The following SLC25A48 variants were observed in gnomAD, a reference collection of about 807,000 sequenced individuals.
SLC25A48 encodes the protein solute carrier family 25 member 48.
A neutral mutation model predicts 32.2 loss-of-function variants in SLC25A48; 29 were observed. The ratio of observed to expected loss-of-function variants is 0.90; its 90% CI spans 0.67 to 1.23. The LOEUF (loss-of-function observed/expected upper bound fraction) is 1.23. Among genes scored for constraint, SLC25A48 ranks in the 50% most tolerant of loss-of-function variants. The probability of loss-of-function intolerance (pLI) is 0.00; values close to 1 mark genes in which losing one functional copy is unlikely to be tolerated. For missense variants in SLC25A48, 399 were observed against 422.7 expected (o/e 0.94, Z 0.49); for synonymous variants, 164 against 172.3 (o/e 0.95, Z 0.38).
chr5:135,849,582 C>T (rs1222350762), intron 2 of SLC25A48, among the ~76,000 whole-genome samples: 1 of 152,092 alleles, frequency 6.6e-6, no homozygotes, highest in Non-Finnish European at 1.5e-5. Flanking sequence ...AGGGTTGTGC[C>T]CAGCTCTGGG....
chr5:135,710,326 T>C (rs1302292648), intron 3 of SLC25A48, among the ~76,000 whole-genome samples: 3 of 152,238 alleles, frequency 2.0e-5, no homozygotes, highest in African/African-American at 7.2e-5. Flanking sequence ...CAGAAATTAT[T>C]ATCAAAGGGG....
At chr5:135,872,016 G>C in intron 5 of SLC25A48, 2 of 1,290,162 alleles carry the variant, frequency 1.6e-6, no homozygotes, top group East Asian at 5.6e-5. Context: ...CATTATCATG[G>C]TTCAGTTTAT....
chr5:135,742,451 C>G, intron 3 of SLC25A48: 2 of 1,535,028 alleles, frequency 1.3e-6, no homozygotes, highest in Non-Finnish European at 8.7e-7. Flanking sequence ...TTCCTGAGGT[C>G]TCACCTGTGT....
intron 4 of SLC25A48, among the ~76,000 whole-genome samples, chr5:135,856,345 C>G (rs1760316335): frequency 6.6e-6 from 1 of 152,304 alleles, no homozygotes; most frequent in Middle Eastern, 3.4e-3. Flanking sequence ...AGACTCCTCT[C>G]CCTGGCAGCC....
intron 3 of SLC25A48, among the ~76,000 whole-genome samples, chr5:135,765,254 G>A (rs1756179048): frequency 6.6e-6 from 1 of 151,752 alleles, no homozygotes; most frequent in South Asian, 2.1e-4. Flanking sequence ...ATCGCAGGGT[G>A]TGTACACCCC....
intron 3 of SLC25A48, among the ~76,000 whole-genome samples, chr5:135,702,442 C>T (rs1397854953): frequency 6.6e-6 from 1 of 152,328 alleles, no homozygotes; most frequent in Non-Finnish European, 1.5e-5. Flanking sequence ...CCAGCACCCA[C>T]CAGAAGGTGG....
intron 3 of SLC25A48, among the ~76,000 whole-genome samples, chr5:135,764,290 T>C (rs1016641352): frequency 5.3e-5 from 8 of 151,944 alleles, no homozygotes; most frequent in African/African-American, 1.9e-4. Flanking sequence ...AAAAACATAG[T>C]AATATTACTC....
chr5:135,695,145 C>T (rs999861801), intron 3 of SLC25A48, among the ~76,000 whole-genome samples: 2 of 152,154 alleles, frequency 1.3e-5, no homozygotes, highest in East Asian at 2.0e-4. Context: ...TGGATACTTG[C>T]GGGGTGGCTG....
At chr5:135,749,288 A>C (rs892892912) in intron 3 of SLC25A48, among the ~76,000 whole-genome samples, 8 of 151,586 alleles carry the variant, frequency 5.3e-5, no homozygotes, top group African/African-American at 9.7e-5. Context: ...TCCACACACA[A>C]AAAAAAACCC....
At chr5:135,627,062 C>T (rs1250804227) in intron 1 of SLC25A48, among the ~76,000 whole-genome samples, 2 of 152,130 alleles carry the variant, frequency 1.3e-5, no homozygotes, top group East Asian at 1.9e-4. Context: ...CCCAGGATCA[C>T]GCAGAGGGAG....
At chr5:135,619,513 G>C (rs1752270401) in intron 1 of SLC25A48, among the ~76,000 whole-genome samples, 1 of 152,148 alleles carries the variant, frequency 6.6e-6, no homozygotes, top group South Asian at 2.1e-4. Context: ...TGTTGGTGGA[G>C]AGTTGTGGTG....
At chr5:135,731,072 G>A (rs1755209186) in intron 3 of SLC25A48, among the ~76,000 whole-genome samples, 1 of 152,214 alleles carries the variant, frequency 6.6e-6, no homozygotes, top group South Asian at 2.1e-4. Flanking sequence ...TCACCTGGGT[G>A]CAGGTGGGCT....
intron 3 of SLC25A48, among the ~76,000 whole-genome samples, chr5:135,726,717 C>T (rs936226758): frequency 6.6e-6 from 1 of 152,190 alleles, no homozygotes; most frequent in Admixed American, 6.5e-5. Context: ...CGTTCACCCA[C>T]TGAAGGACAT....
At position 135,874,119 on chromosome 5, in the gene SLC25A48, T is replaced by G. The variant is rs1761871575; in HGVS notation, c.778T>G (p.Cys260Gly). ...AAACAAATATAAAGGTGTCCTGGAC[T>G]GTATCTCCCAGAGTTACCAGAAGGA... The part of the protein sequence containing the change: ...YLNKYKGVLD[C>G]ISQSYQKEGL... The change falls in exon 6 of 8, where the codon TGT becomes GGT. Residue 260 changes from cysteine (C) to glycine (G), a missense_variant. Transcript: ENST00000681962. 1 of 1,500,566 alleles carries G rather than the reference T, an allele frequency of 6.7e-7. No homozygotes were observed. Among genetic ancestry groups the G allele is most frequent in the Non-Finnish European group, 8.8e-7 (1 of 1,133,594 alleles). 93.0% of individuals were successfully genotyped at this position (1,500,566 alleles called of 1,614,324 possible). A position where few individuals can be genotyped will look rare whatever the true frequency, so the allele number is the denominator to read the frequency against.
In SLC25A48 at chr5:135,886,615, ATATATATATATATATATATAT is replaced by A. The variant is rs1762727487; in HGVS notation, c.*8-1416_*8-1396del. 2.6e-4 allele frequency among the ~76,000 whole-genome samples: 9 copies of A among 34,934 alleles called. 2 individuals carry two copies. Among genetic ancestry groups the A allele is most frequent in the African/African-American group, 1.2e-3 (7 of 5,956 alleles). The allele number at this position is 34,934 out of a possible 152,430, so 22.9% of individuals were successfully genotyped here. ...TATATATATATATATATATATATATATATATATATATATATATATATAAAATATATATATGTGTGTGTGTGT... is the reference window on the plus strand; with the variant it reads ...TATATATATATATATATATATATATAAAAATATATATATGTGTGTGTGTGT... On this transcript the variant is annotated intron_variant, in intron 7 of 7. Coordinates refer to ENST00000681962, the MANE Select transcript of SLC25A48 (RefSeq NM_001349336.2).
chr5:135,689,901 C>T (rs552226202), intron 3 of SLC25A48, among the ~76,000 whole-genome samples: 8 of 152,302 alleles, frequency 5.3e-5, no homozygotes, highest in Admixed American at 5.2e-4. Flanking sequence ...TACAAAAATG[C>T]TTTAAGACAT....
chr5:135,879,607 AGAGAGT>A lies in SLC25A48; in HGVS notation c.814-359_814-354del, dbSNP rs1466335830. On this transcript the variant is annotated intron_variant, in intron 6 of 7. Coordinates refer to ENST00000681962, the MANE Select transcript of SLC25A48 (RefSeq NM_001349336.2). ...AGGAGAGAGAGAGAGAGAGAGAGAG[AGAGAGT>A]GTGTGTGTGTGTGTGTGTGTGTGTG... 3.1e-3 allele frequency among the ~76,000 whole-genome samples: 434 copies of A among 139,288 alleles called. 1 individual carries two copies. The highest frequency in any genetic ancestry group is 0.011 in the African/African-American group (355 of 32,006). 91.4% of individuals were successfully genotyped at this position (139,288 alleles called of 152,430 possible).
chr5:135,693,932 C>T (rs1325700510), intron 3 of SLC25A48, among the ~76,000 whole-genome samples: 1 of 150,566 alleles, frequency 6.6e-6, no homozygotes, highest in East Asian at 2.0e-4. Context: ...CTGCAGGTTT[C>T]TGGGGTCAGC....
intron 3 of SLC25A48, among the ~76,000 whole-genome samples, chr5:135,669,042 CAGG>C (rs1190694363): frequency 1.3e-5 from 2 of 152,178 alleles, no homozygotes; most frequent in African/African-American, 4.8e-5. Context: ...AGTGAGCACT[CAGG>C]ATATGCTAGG....
Sources: gnomAD v4.1 joint callset for allele counts (sites outside exome capture counted in the v4.1 genomes callset) on GRCh38, gnomAD v4.1.1 for gene constraint, MANE v1.5 for transcripts, NCBI Gene and HGNC (gene_info 2026-07-23, HGNC 2026-07-21) for gene names.